Variants in PPP1R37 observed in about 807,000 individuals in gnomAD.
PPP1R37 encodes the protein leucine rich repeat containing 68.
PPP1R37 carries 21 observed loss-of-function variants against 61.0 expected under a neutral mutation model. That is an observed-to-expected ratio of 0.34 (90% CI 0.24 to 0.50). PPP1R37 has a LOEUF of 0.50. PPP1R37 is among the 20% of genes least tolerant of loss of function. The pLI, the probability that PPP1R37 is intolerant of heterozygous loss-of-function variation, is 0.98. For synonymous variants in PPP1R37, 443 were observed against 433.5 expected, an observed-to-expected ratio of 1.02 and a Z score of -0.27; for missense variants, 910 against 952.7, an observed-to-expected ratio of 0.96 and a Z score of 0.59.
At chr19:45,104,896 C>T (rs1414412997) in intron 1 of PPP1R37, among the ~76,000 whole-genome samples, 2 of 152,168 alleles carry the variant, frequency 1.3e-5, no homozygotes, top group Non-Finnish European at 1.5e-5. Context: ...ACACAGGTGG[C>T]TCTCACTAAT....
chr19:45,096,724 G>A (rs1049265478), intron 1 of PPP1R37, among the ~76,000 whole-genome samples: 4 of 152,032 alleles, frequency 2.6e-5, no homozygotes, highest in Non-Finnish European at 5.9e-5. Context: ...CCAGGCTGGG[G>A]GAGTCTCTCA....
At position 45,130,862 on chromosome 19, in the gene PPP1R37, T is replaced by C. The variant is rs1968467635; in HGVS notation, c.203-7652T>C. ...ACGGAGCAGCCCTAAATATTCCTGCTCCAGGCTTGTCTGGACTTCCTCCCT... is the reference window on the plus strand; with the variant it reads ...ACGGAGCAGCCCTAAATATTCCTGCCCCAGGCTTGTCTGGACTTCCTCCCT... On this transcript the variant is annotated intron_variant, in intron 1 of 12. Transcript: ENST00000221462. This position sits in a 1 kb window ranked among gnomAD's most constrained non-coding sequence, Gnocchi z 4.4. Among the ~76,000 whole-genome samples, 1 of 152,068 alleles carries C rather than the reference T, an allele frequency of 6.6e-6. No individual in the cohort carries two copies. The highest frequency in any genetic ancestry group is 2.1e-4 in the South Asian group (1 of 4,828).
chr19:45,139,569 C>G (rs1192247011), intron 2 of PPP1R37, among the ~76,000 whole-genome samples: 1 of 152,274 alleles, frequency 6.6e-6, no homozygotes, highest in African/African-American at 2.4e-5. Flanking sequence ...GTACCCTCAG[C>G]TGTGCTGGAA....
At chr19:45,138,280 C>CT (rs1568449306) in intron 1 of PPP1R37, among the ~76,000 whole-genome samples, 1 of 152,064 alleles carries the variant, frequency 6.6e-6, no homozygotes, top group Non-Finnish European at 1.5e-5. Flanking sequence ...GTGCTTGGAG[C>CT]GGAGGTGAGG....
intron 1 of PPP1R37, among the ~76,000 whole-genome samples, chr19:45,124,640 C>T (rs2122734193): frequency 6.6e-6 from 1 of 152,176 alleles, no homozygotes. Context: ...CCCTGTCTCC[C>T]CAGTGCCAGC....
rs1233415233 is a variant in PPP1R37 at position 45,145,834 on chromosome 19, C to A, written c.1778C>A (p.Pro593Gln). 11 of 1,332,624 alleles carry A rather than the reference C, an allele frequency of 8.3e-6. No individual in the cohort carries two copies. Among genetic ancestry groups the A allele is most frequent in the African/African-American group, 1.5e-5 (1 of 67,400 alleles). The allele number at this position is 1,332,624 out of a possible 1,614,324, so 82.5% of individuals were successfully genotyped here. The part of the protein sequence containing the change: ...PPASPTPPSP[P>Q]PPPSPPASPS... ...GCGTCCCCCACCCCTCCCTCTCCCC[C>A]ACCCCCTCCCTCCCCACCCGCCTCA... Residue 593 changes from proline (P) to glutamine (Q), a missense_variant, in exon 11 of 13, where the codon CCA (proline) becomes CAA (glutamine). Pro to Gln is a moderately conservative substitution (Grantham distance 76). Coordinates refer to ENST00000221462, the MANE Select transcript of PPP1R37 (RefSeq NM_019121.2).
intron 1 of PPP1R37, chr19:45,129,035 G>T: frequency 2.5e-6 from 2 of 811,560 alleles, no homozygotes; most frequent in Non-Finnish European, 4.1e-6. Flanking sequence ...CAAAAGAACT[G>T]GCTCCCAGGG....
chr19:45,138,497 G>A lies in PPP1R37; in HGVS notation c.203-17G>A. On this transcript the variant is annotated splice_polypyrimidine_tract_variant and intron_variant, in intron 1 of 12. Transcript: ENST00000221462. ...GGGGTGTGGACAGTCACAGGCCTGG[G>A]TCCCCTGTGCCTGCAGCCCAGAATG... 1.3e-6 allele frequency: 2 copies of A among 1,530,642 alleles called. No individual in the cohort carries two copies. Among genetic ancestry groups the A allele is most frequent in the Non-Finnish European group, 1.8e-6 (2 of 1,142,138 alleles). 94.8% of individuals were successfully genotyped at this position (1,530,642 alleles called of 1,614,324 possible).
intron 1 of PPP1R37, among the ~76,000 whole-genome samples, chr19:45,124,048 T>C (rs1372875423): frequency 6.6e-6 from 1 of 152,214 alleles, no homozygotes; most frequent in Non-Finnish European, 1.5e-5. Context: ...GGAGCAATGT[T>C]GGGGTAACAG....
intron 1 of PPP1R37, among the ~76,000 whole-genome samples, chr19:45,120,948 A>G (rs1381441835): frequency 2.0e-5 from 3 of 152,156 alleles, no homozygotes; most frequent in African/African-American, 7.2e-5. Flanking sequence ...GTCTTGCCAA[A>G]TTGCCTTTGA....
intron 7 of PPP1R37, chr19:45,143,115 G>T (rs529787718): frequency 2.6e-4 from 45 of 174,604 alleles, no homozygotes; most frequent in African/African-American, 1.0e-3. Flanking sequence ...GCTCAGCTCG[G>T]AGGGAGACAC....
chr19:45,126,484 G>A (rs1968406545), intron 1 of PPP1R37, among the ~76,000 whole-genome samples: 2 of 152,204 alleles, frequency 1.3e-5, no homozygotes, highest in African/African-American at 4.8e-5. Context: ...ATGCTGTGGG[G>A]AAATGGGGCT....
chr19:45,145,838 C>G lies in PPP1R37; in HGVS notation c.1782C>G (p.Pro594=). The change falls in exon 11 of 13, where the codon CCC becomes CCG. Residue 594 remains proline (P), a synonymous_variant. Coordinates refer to ENST00000221462, the MANE Select transcript of PPP1R37 (RefSeq NM_019121.2). ...CCCCCACCCCTCCCTCTCCCCCACC[C>G]CCTCCCTCCCCACCCGCCTCACCTT... ...PASPTPPSPP[P]PPSPPASPSL... 1 of 1,423,456 alleles carries G rather than the reference C, an allele frequency of 7.0e-7. No homozygotes were observed. Among genetic ancestry groups the G allele is most frequent in the Non-Finnish European group, 9.4e-7 (1 of 1,065,142 alleles). The allele number at this position is 1,423,456 out of a possible 1,614,324, so 88.2% of individuals were successfully genotyped here.
chr19:45,139,775 C>T (rs959292598), intron 2 of PPP1R37, among the ~76,000 whole-genome samples: 1 of 152,260 alleles, frequency 6.6e-6, no homozygotes, highest in Non-Finnish European at 1.5e-5. Context: ...TGTGTAAGCT[C>T]AGAGCGCGGG....
At chr19:45,142,566 G>C in intron 7 of PPP1R37, 108 bp downstream of exon 7, 1 of 1,148,614 alleles carries the variant, frequency 8.7e-7, no homozygotes, top group Non-Finnish European at 1.2e-6. Flanking sequence ...CCACCCCAAC[G>C]CTGTCCTGCT....
At chr19:45,122,346 TCA>T (rs2122732030) in intron 1 of PPP1R37, among the ~76,000 whole-genome samples, 1 of 152,314 alleles carries the variant, frequency 6.6e-6, no homozygotes, top group African/African-American at 2.4e-5. Context: ...AGTTGGGGAC[TCA>T]CACCTGTGCT....
chr19:45,128,834 C>T, intron 1 of PPP1R37: 1 of 619,842 alleles, frequency 1.6e-6, no homozygotes. Flanking sequence ...GGAATGACTC[C>T]CAGTTGATTG....
At chr19:45,146,504 A>C in intron 12 of PPP1R37, 24 bp downstream of exon 12, 1 of 1,470,370 alleles carries the variant, frequency 6.8e-7, no homozygotes, top group Non-Finnish European at 9.2e-7. Flanking sequence ...CGGGGCCCAC[A>C]GCACTCGGGA....
At chr19:45,109,983 C>A (rs1392041274) in intron 1 of PPP1R37, among the ~76,000 whole-genome samples, 1 of 152,170 alleles carries the variant, frequency 6.6e-6, no homozygotes, top group Non-Finnish European at 1.5e-5. Flanking sequence ...GCCTCCTGTC[C>A]CCATCCAGTG....
Sources: allele counts gnomAD v4.1 joint callset (sites outside exome capture counted in the v4.1 genomes callset), GRCh38; gene constraint gnomAD v4.1.1; non-coding constraint Gnocchi (gnomAD v3.1); transcripts MANE v1.5; gene names NCBI Gene and HGNC (gene_info 2026-07-23, HGNC 2026-07-21).